TTC7A: variants seen among roughly 807,000 people sequenced by gnomAD.
TTC7A encodes tetratricopeptide repeat domain 7A.
A neutral mutation model predicts 103.7 loss-of-function variants in TTC7A; 110 were observed. The ratio of observed to expected loss-of-function variants is 1.06; its 90% CI spans 0.91 to 1.24. The LOEUF (loss-of-function observed/expected upper bound fraction) is 1.24. Ranked by LOEUF, TTC7A falls within the 50% of genes most tolerant of loss-of-function variation. The pLI, the probability that TTC7A is intolerant of heterozygous loss-of-function variation, is 0.00. For missense variants in TTC7A, 1,340 were observed against 1,116.3 expected, an observed-to-expected ratio of 1.20 and a Z score of -2.86; for synonymous variants, 521 against 467.9, an observed-to-expected ratio of 1.11 and a Z score of -1.47.
intron 3 of TTC7A, among the ~76,000 whole-genome samples, chr2:46,968,234 C>T (rs953538072): frequency 6.6e-6 from 1 of 152,216 alleles, no homozygotes; most frequent in African/African-American, 2.4e-5. Context: ...AGCAAGTCCT[C>T]CTCTTGCAAG....
At chr2:46,966,322 A>G (rs1446739426) in intron 3 of TTC7A, among the ~76,000 whole-genome samples, 2 of 152,220 alleles carry the variant, frequency 1.3e-5, no homozygotes, top group East Asian at 3.8e-4. Flanking sequence ...AGGCATTATT[A>G]GTAACTCTAT....
chr2:46,944,593 C>T (rs1301748133), intron 1 of TTC7A, among the ~76,000 whole-genome samples: 1 of 152,126 alleles, frequency 6.6e-6, no homozygotes, highest in East Asian at 1.9e-4. Context: ...CATGGTGGCA[C>T]ACACCTGTAG....
intron 4 of TTC7A, 88 bp downstream of exon 4, chr2:46,975,191 T>G (rs1012355545): frequency 8.4e-6 from 13 of 1,547,678 alleles, no homozygotes; most frequent in Admixed American, 1.7e-5. Context: ...GTCACCTGTG[T>G]GCTAATTAGA....
At chr2:47,051,073 CT>C (rs1682818978) in intron 17 of TTC7A, among the ~76,000 whole-genome samples, 1 of 152,248 alleles carries the variant, frequency 6.6e-6, no homozygotes, top group South Asian at 2.1e-4. Flanking sequence ...GGGCAGTGTT[CT>C]GACTTGAGCT....
At chr2:46,922,097 A>T (rs1669135157) in intron 2 of TTC7A, among the ~76,000 whole-genome samples, 1 of 152,078 alleles carries the variant, frequency 6.6e-6, no homozygotes, top group South Asian at 2.1e-4. Context: ...TCCAGCAAAG[A>T]GTCTAGTCTG....
At chr2:46,975,430 T>A (rs953915037) in intron 4 of TTC7A, among the ~76,000 whole-genome samples, 1 of 151,936 alleles carries the variant, frequency 6.6e-6, no homozygotes, top group Admixed American at 6.6e-5. Flanking sequence ...CAGTTGGACA[T>A]CCTTCCCTGC....
intron 6 of TTC7A, among the ~76,000 whole-genome samples, chr2:46,993,779 G>A (rs1308484885): frequency 6.6e-6 from 1 of 152,148 alleles, no homozygotes; most frequent in Non-Finnish European, 1.5e-5. Context: ...CGCTTCCCTG[G>A]GCAAACTGTG....
chr2:46,982,029 C>T (rs993848), intron 5 of TTC7A, among the ~76,000 whole-genome samples: 26,002 of 152,058 alleles, frequency 0.17, 2,385 homozygotes, highest in Admixed American at 0.2. Flanking sequence ...CCTGCCCTTG[C>T]GGTTGTGGGG....
At chr2:47,044,510 G>T (rs560776302) in intron 15 of TTC7A, among the ~76,000 whole-genome samples, 10 of 152,322 alleles carry the variant, frequency 6.6e-5, no homozygotes, top group African/African-American at 2.4e-4. Flanking sequence ...ACTCAGGTCC[G>T]TGCAGTCCAT....
rs1680262407 is a variant in TTC7A, at chr2:47,029,310, C to T, written c.1728C>T (p.Phe576=). Residue 576 remains phenylalanine, a synonymous_variant, in exon 15 of 20, where the codon TTC becomes TTT. Transcript: ENST00000319190. The stretch of plus-strand genomic sequence containing the variant: ...CCCTCCACCTGCTGGCACTGCTCTT[C>T]TCTGCCCAGAAGCACCACCAGCATG... ...AHALHLLALL[F]SAQKHHQHAL... 6.2e-7 allele frequency: 1 copy of T among 1,614,132 alleles called. No homozygotes were observed.
chr2:46,994,161 A>G (rs1208573336), intron 6 of TTC7A, 196 bp from the exon 7 acceptor site: 1 of 617,014 alleles, frequency 1.6e-6, no homozygotes, highest in Non-Finnish European at 2.8e-6. Context: ...TGAGGCCAGC[A>G]GAGGGGTGGG....
chr2:47,050,197 G>T, intron 17 of TTC7A, 151 bp downstream of exon 17: 1 of 667,752 alleles, frequency 1.5e-6, no homozygotes, highest in Non-Finnish European at 2.6e-6. Context: ...TTCTGGGGCT[G>T]ATCTTGGCTC....
At chr2:46,995,268 G>A (rs1031935948) in intron 8 of TTC7A, 69 bp downstream of exon 8, 6 of 1,525,620 alleles carry the variant, frequency 3.9e-6, no homozygotes, top group Non-Finnish European at 5.4e-6. Context: ...GTGGGGCCCA[G>A]GTACAGGCCA....
intron 15 of TTC7A, among the ~76,000 whole-genome samples, chr2:47,032,355 C>T (rs1572970076): frequency 6.6e-6 from 1 of 152,178 alleles, no homozygotes; most frequent in African/African-American, 2.4e-5. Context: ...TAACTGTGCC[C>T]CTGTCTCGGG....
At chr2:47,016,960 A>T (rs1368106338) in intron 11 of TTC7A, among the ~76,000 whole-genome samples, 2 of 152,084 alleles carry the variant, frequency 1.3e-5, no homozygotes, top group Non-Finnish European at 2.9e-5. Flanking sequence ...GCACCTTGGG[A>T]GGCCGAGGTG....
chr2:46,984,363 G>A (rs1364011391), intron 5 of TTC7A, among the ~76,000 whole-genome samples: 1 of 152,228 alleles, frequency 6.6e-6, no homozygotes, highest in Non-Finnish European at 1.5e-5. Flanking sequence ...GAGGCCCTGG[G>A]GTTGGAGGCC....
intron 19 of TTC7A, among the ~76,000 whole-genome samples, chr2:47,064,860 T>C (rs964559934): frequency 3.3e-5 from 5 of 152,232 alleles, no homozygotes; most frequent in Admixed American, 1.3e-4. Flanking sequence ...CAATTTTCCC[T>C]CTACCTTTCT....
intron 17 of TTC7A, among the ~76,000 whole-genome samples, chr2:47,051,352 G>A (rs1188597278): frequency 1.3e-5 from 2 of 152,122 alleles, no homozygotes. Context: ...ATTGATATCT[G>A]TATTTGTATT....
chr2:47,065,405 G>C (rs1684104092), intron 19 of TTC7A, among the ~76,000 whole-genome samples: 1 of 152,220 alleles, frequency 6.6e-6, no homozygotes, highest in African/African-American at 2.4e-5. Context: ...TCTGGGGATG[G>C]CAAATTGTGG....
Sources: gnomAD v4.1 joint callset for allele counts (sites outside exome capture counted in the v4.1 genomes callset) on GRCh38, gnomAD v4.1.1 for gene constraint, MANE v1.5 for transcripts, NCBI Gene and HGNC (gene_info 2026-07-23, HGNC 2026-07-21) for gene names.